EPHB1: variants seen among roughly 807,000 people sequenced by gnomAD.
The protein encoded by EPHB1 is ephrin type-B receptor 1.
A neutral mutation model predicts 94.4 loss-of-function variants in EPHB1; 30 were observed. That is an observed-to-expected ratio of 0.32 (90% CI 0.24 to 0.43). The LOEUF is 0.43. EPHB1 is among the 20% of genes least tolerant of loss of function. The pLI is 1.00. For missense variants in EPHB1, 1,055 were observed against 1,308.3 expected (o/e 0.81, Z 2.99); for synonymous variants, 522 against 489.1 (o/e 1.07, Z -0.89).
intron 4 of EPHB1, among the ~76,000 whole-genome samples, chr3:135,124,705 T>G (rs1005631569): frequency 4.6e-5 from 7 of 151,888 alleles, no homozygotes; most frequent in Non-Finnish European, 7.3e-5. Flanking sequence ...CTTAGTAATT[T>G]GCTACTGGGG....
intron 13 of EPHB1, among the ~76,000 whole-genome samples, chr3:135,247,538 A>G (rs1245033808): frequency 6.6e-6 from 1 of 152,220 alleles, no homozygotes; most frequent in Non-Finnish European, 1.5e-5. Flanking sequence ...ATTTGAAGTT[A>G]GTTAAGATGT....
At chr3:135,140,829 A>G (rs1156622629) in intron 5 of EPHB1, among the ~76,000 whole-genome samples, 1 of 152,172 alleles carries the variant, frequency 6.6e-6, no homozygotes, top group Non-Finnish European at 1.5e-5. Context: ...TCACAGTACC[A>G]TCCATGTTAA....
At chr3:134,940,128 G>A (rs184491285) in intron 2 of EPHB1, among the ~76,000 whole-genome samples, 18 of 149,512 alleles carry the variant, frequency 1.2e-4, no homozygotes, top group Admixed American at 9.3e-4. Context: ...AGGGAGTTTA[G>A]CCTTTTAGTT....
chr3:135,078,000 T>C (rs894742227), intron 3 of EPHB1, among the ~76,000 whole-genome samples: 3 of 152,220 alleles, frequency 2.0e-5, no homozygotes, highest in Non-Finnish European at 2.9e-5. Flanking sequence ...CACAAAATCT[T>C]TTGAAGTAGG....
intron 1 of EPHB1, among the ~76,000 whole-genome samples, chr3:134,906,164 GTTTATT>G (rs2038323075): frequency 6.6e-6 from 1 of 152,136 alleles, no homozygotes; most frequent in Non-Finnish European, 1.5e-5. Flanking sequence ...TGTTCCCCAT[GTTTATT>G]CTGTTTCCCT....
Position 135,187,360 on chromosome 3 carries a change from T to C in EPHB1, c.1883-5216T>C, listed in dbSNP as rs189170778. ...TGCTGGAAATATTTTCTAGGTATTA[T>C]GAATTTTTATTAAAAATGAAAACGT... On this transcript the variant is annotated intron_variant, in intron 10 of 15. Transcript: ENST00000398015. Among the ~76,000 whole-genome samples, 730 of 152,328 alleles carry C rather than the reference T, an allele frequency of 4.8e-3. 6 individuals are homozygous for C. The highest frequency in any genetic ancestry group is 0.017 in the African/African-American group (699 of 41,578).
At chr3:135,151,048 C>T (rs116361286) in intron 5 of EPHB1, among the ~76,000 whole-genome samples, 2,616 of 152,324 alleles carry the variant, frequency 0.017, 39 homozygotes, top group Non-Finnish European at 0.026. Flanking sequence ...TAAATAGATT[C>T]AGAATCTGCC....
intron 13 of EPHB1, among the ~76,000 whole-genome samples, chr3:135,245,805 C>CAAAAAAAA (rs34702210): frequency 7.5e-5 from 2 of 26,766 alleles, no homozygotes; most frequent in African/African-American, 1.3e-4. Context: ...GACACCATCT[C>CAAAAAAAA]AAAAAAAAAA....
chr3:134,805,046 A>G (rs2036010576), intron 1 of EPHB1, among the ~76,000 whole-genome samples: 1 of 152,230 alleles, frequency 6.6e-6, no homozygotes, highest in Admixed American at 6.5e-5. Context: ...TTTCCAGCAC[A>G]TCAACATAGG....
chr3:135,142,222 T>C (rs1480283148), intron 5 of EPHB1, among the ~76,000 whole-genome samples: 2 of 152,208 alleles, frequency 1.3e-5, no homozygotes, highest in African/African-American at 2.4e-5. Context: ...TTGGCAGTGC[T>C]ATTGAAGAGA....
rs1932966116 is a variant in EPHB1, at chr3:135,249,333, C to A, written c.2691-3C>A. On this transcript the variant is annotated splice_polypyrimidine_tract_variant and splice_region_variant and intron_variant, in intron 14 of 15. Transcript: ENST00000398015. Reference sequence around the variant, plus strand: ...GGTCACCTGCCCATCTCTGTCTCACCAGGCCTTCCCAGCCCCTGCTCGACC... The same window carrying A: ...GGTCACCTGCCCATCTCTGTCTCACAAGGCCTTCCCAGCCCCTGCTCGACC... 2 of 1,609,016 alleles carry A rather than the reference C, an allele frequency of 1.2e-6. No individual in the cohort carries two copies. The highest frequency in any genetic ancestry group is 3.3e-5 in the Admixed American group (2 of 59,784).
intron 3 of EPHB1, among the ~76,000 whole-genome samples, chr3:134,962,171 G>A (rs565128079): frequency 3.9e-5 from 6 of 152,172 alleles, no homozygotes; most frequent in African/African-American, 1.2e-4. Context: ...TATCTTTGCC[G>A]ATCTGAGAGG....
Position 134,951,812 on chromosome 3 carries a change from G to A in EPHB1, c.565G>A (p.Val189Ile). The A allele has an allele frequency of 6.2e-7, 1 of 1,613,988 alleles. No homozygotes were observed. The highest frequency in any genetic ancestry group is 8.5e-7 in the Non-Finnish European group (1 of 1,179,896). ...TGGAGCCTGTATGTCTCTTCTTTCT[G>A]TCCGTGTCTTCTTCAAAAAGTGTCC... Reference protein sequence around the residue: ...DYGACMSLLSVRVFFKKCPSI... With the variant: ...DYGACMSLLSIRVFFKKCPSI... The change falls in exon 3 of 16, where the codon GTC becomes ATC. Residue 189 changes from valine to isoleucine, a missense_variant. Coordinates refer to ENST00000398015, the MANE Select transcript of EPHB1 (RefSeq NM_004441.5). This position sits in a 1 kb window ranked among gnomAD's most constrained non-coding sequence, Gnocchi z 4.5.
intron 3 of EPHB1, among the ~76,000 whole-genome samples, chr3:135,038,714 CAGG>C (rs1343308790): frequency 1.2e-4 from 18 of 152,292 alleles, no homozygotes; most frequent in African/African-American, 4.1e-4. Context: ...CTCGCTGGCT[CAGG>C]AGTGAAGCTG....
chr3:134,943,061 G>A (rs912891809), intron 2 of EPHB1, among the ~76,000 whole-genome samples: 6 of 152,328 alleles, frequency 3.9e-5, no homozygotes, highest in South Asian at 4.1e-4. Flanking sequence ...GAGCCACCTC[G>A]AAGGAAGGAT....
intron 1 of EPHB1, among the ~76,000 whole-genome samples, chr3:134,850,928 G>A (rs2108299503): frequency 6.6e-6 from 1 of 152,398 alleles, no homozygotes; most frequent in African/African-American, 2.4e-5. Flanking sequence ...CCCCATGGGG[G>A]CAGCAGATGC....
intron 3 of EPHB1, among the ~76,000 whole-genome samples, chr3:135,037,492 C>T (rs527637083): frequency 9.9e-5 from 15 of 152,236 alleles, no homozygotes; most frequent in African/African-American, 2.4e-4. Context: ...AACATAAAAC[C>T]GTTGGAAGGG....
chr3:135,089,395 G>A (rs963881175), intron 3 of EPHB1, among the ~76,000 whole-genome samples: 4 of 152,202 alleles, frequency 2.6e-5, no homozygotes, highest in African/African-American at 7.2e-5. Flanking sequence ...AACATACCTG[G>A]CCTGTGCCAC....
chr3:135,063,883 G>C (rs1412007878), intron 3 of EPHB1, among the ~76,000 whole-genome samples: 1 of 151,966 alleles, frequency 6.6e-6, no homozygotes, highest in South Asian at 2.1e-4. Context: ...TGCTGATTTT[G>C]CTGAGAGTTT....
Sources: allele counts gnomAD v4.1 joint callset (sites outside exome capture counted in the v4.1 genomes callset), GRCh38; gene constraint gnomAD v4.1.1; non-coding constraint Gnocchi (gnomAD v3.1); transcripts MANE v1.5; gene names NCBI Gene and HGNC (gene_info 2026-07-23, HGNC 2026-07-21).